PREX2: variants seen among roughly 807,000 people sequenced by gnomAD.
The protein encoded by PREX2 is phosphatidylinositol 3,4,5-trisphosphate-dependent Rac exchanger 2 protein.
Under a neutral mutation model 203.2 loss-of-function variants are expected in PREX2, and 107 were observed. The ratio of observed to expected loss-of-function variants is 0.53; its 90% CI spans 0.45 to 0.62. PREX2 has a LOEUF of 0.62. Ranked by LOEUF, PREX2 falls within the 20% of genes least tolerant of loss-of-function variation. The pLI is 0.00. For missense variants in PREX2, 1,777 were observed against 1,955.9 expected (o/e 0.91, Z 1.72); for synonymous variants, 672 against 663.6 (o/e 1.01, Z -0.19).
chr8:68,046,538 A>C (rs1035074638), intron 8 of PREX2, among the ~76,000 whole-genome samples: 1 of 152,136 alleles, frequency 6.6e-6, no homozygotes, highest in Non-Finnish European at 1.5e-5. Context: ...GGGCAAAAGC[A>C]TTGTGGAAGG....
intron 1 of PREX2, among the ~76,000 whole-genome samples, chr8:67,975,097 A>G (rs535085308): frequency 6.6e-6 from 1 of 152,176 alleles, no homozygotes; most frequent in Non-Finnish European, 1.5e-5. Flanking sequence ...CTAAGAAACT[A>G]GTTTTCCCAA....
chr8:68,169,180 G>A (rs959214516), intron 35 of PREX2, among the ~76,000 whole-genome samples: 3 of 151,974 alleles, frequency 2.0e-5, no homozygotes, highest in Non-Finnish European at 4.4e-5. Flanking sequence ...ACAAACGAGT[G>A]TTCTATTCTC....
rs1201315869 is a variant in PREX2 at position 68,055,894 on chromosome 8, T to C, written c.1158T>C (p.Tyr386=). Residue 386 remains tyrosine (Y), a synonymous_variant, in exon 10 of 40, where the codon TAT becomes TAC. Coordinates refer to ENST00000288368, the MANE Select transcript of PREX2 (RefSeq NM_024870.4). ...TCTCTGAACAGGGTGAGAAACTTTATAAAATGATGTGCAGACAAGGAAATC... is the reference window on the plus strand; with the variant it reads ...TCTCTGAACAGGGTGAGAAACTTTACAAAATGATGTGCAGACAAGGAAATC... ...VMISEQGEKL[Y]KMMCRQGNLI... The C allele has an allele frequency of 6.2e-7, 1 of 1,613,360 alleles. No individual in the cohort carries two copies.
intron 13 of PREX2, among the ~76,000 whole-genome samples, chr8:68,072,146 G>T (rs957010167): frequency 4.6e-5 from 7 of 152,036 alleles, no homozygotes; most frequent in Non-Finnish European, 1.0e-4. Flanking sequence ...ACTTAAAGTC[G>T]CAGTTTCCAA....
intron 25 of PREX2, among the ~76,000 whole-genome samples, chr8:68,112,561 G>A (rs1434760): frequency 0.27 from 41,252 of 151,904 alleles, 5,679 homozygotes; most frequent in South Asian, 0.35. Context: ...GCTACTAAAT[G>A]TACAACAAGA....
intron 33 of PREX2, among the ~76,000 whole-genome samples, chr8:68,144,976 G>A (rs944861405): frequency 6.6e-6 from 1 of 152,070 alleles, no homozygotes; most frequent in Non-Finnish European, 1.5e-5. Context: ...TGATGCCAAA[G>A]ATGAAGGGTA....
At chr8:68,190,877 A>G (rs1812279265) in intron 35 of PREX2, among the ~76,000 whole-genome samples, 1 of 151,796 alleles carries the variant, frequency 6.6e-6, no homozygotes, top group Admixed American at 6.6e-5. Context: ...TTCCCTTAAA[A>G]TTTCTGTTTA....
At chr8:68,225,809 A>G (rs971844417) in intron 39 of PREX2, among the ~76,000 whole-genome samples, 8 of 152,212 alleles carry the variant, frequency 5.3e-5, no homozygotes, top group Non-Finnish European at 8.8e-5. Flanking sequence ...TTATTTTTAC[A>G]TACGCATTCT....
At chr8:68,048,861 TG>T (rs1454965175) in intron 8 of PREX2, among the ~76,000 whole-genome samples, 1 of 152,042 alleles carries the variant, frequency 6.6e-6, no homozygotes, top group Non-Finnish European at 1.5e-5. Flanking sequence ...TAGCATTTAT[TG>T]TTGCATACCA....
chr8:67,993,366 A>G (rs4737876), intron 1 of PREX2, among the ~76,000 whole-genome samples: 74,234 of 150,454 alleles, frequency 0.49, 18,669 homozygotes, highest in South Asian at 0.61. Flanking sequence ...ATGTCTTGCA[A>G]CTACTTTTAA....
At chr8:68,061,192 G>T (rs760055137) in intron 11 of PREX2, among the ~76,000 whole-genome samples, 7 of 152,174 alleles carry the variant, frequency 4.6e-5, no homozygotes, top group African/African-American at 1.7e-4. Context: ...ACTCCGGCAC[G>T]GTGGCGGGTG....
In PREX2 at chr8:68,120,214, C is replaced by T; in HGVS notation, c.3523C>T (p.Leu1175Phe). The change falls in exon 29 of 40, where the codon CTC (leucine) becomes TTC (phenylalanine). Residue 1175 changes from leucine (L) to phenylalanine (F), a missense_variant. Coordinates refer to ENST00000288368, the MANE Select transcript of PREX2 (RefSeq NM_024870.4). The stretch of plus-strand genomic sequence containing the variant: ...TTGATAGGTGGATTCAATTACCAAT[C>T]TCCTAAAAGGGCAGGCTGTTGTGAG... Reference protein sequence around the residue: ...LFSQVDSITNLLKGQAVVRAF... With the variant: ...LFSQVDSITNFLKGQAVVRAF... The T allele has an allele frequency of 6.2e-7, 1 of 1,612,374 alleles. No homozygotes were observed. Among genetic ancestry groups the T allele is most frequent in the Non-Finnish European group, 8.5e-7 (1 of 1,178,470 alleles).
intron 6 of PREX2, among the ~76,000 whole-genome samples, chr8:68,031,252 A>G (rs528374781): frequency 2.2e-4 from 33 of 152,292 alleles, no homozygotes; most frequent in Admixed American, 2.2e-3. Flanking sequence ...ATTCCCAGTT[A>G]TTTCATGCGG....
intron 1 of PREX2, among the ~76,000 whole-genome samples, chr8:67,956,554 C>G (rs1214469984): frequency 6.6e-6 from 1 of 152,200 alleles, no homozygotes; most frequent in East Asian, 1.9e-4. Context: ...AGCATTCCCC[C>G]ACAGCCCCCT....
intron 37 of PREX2, among the ~76,000 whole-genome samples, chr8:68,209,413 T>C (rs1271062377): frequency 6.6e-6 from 1 of 152,224 alleles, no homozygotes; most frequent in Non-Finnish European, 1.5e-5. Flanking sequence ...TTTTATGTTC[T>C]AAGAACTAAA....
chr8:68,087,871 CAGGA>C, intron 19 of PREX2, 62 bp downstream of exon 19: 1 of 1,048,736 alleles, frequency 9.5e-7, no homozygotes, highest in Non-Finnish European at 1.5e-6. Flanking sequence ...CCCGATGGAA[CAGGA>C]ATGTGTTTAA....
At chr8:68,141,044 A>G (rs1378125973) in intron 33 of PREX2, among the ~76,000 whole-genome samples, 1 of 152,168 alleles carries the variant, frequency 6.6e-6, no homozygotes, top group Non-Finnish European at 1.5e-5. Flanking sequence ...TGGTGTGCAA[A>G]TTAAACAAGG....
At chr8:68,217,281 T>C (rs1227314323) in intron 37 of PREX2, among the ~76,000 whole-genome samples, 1 of 152,254 alleles carries the variant, frequency 6.6e-6, no homozygotes, top group Non-Finnish European at 1.5e-5. Flanking sequence ...TATTCTTTAG[T>C]CATTTCTTCT....
At chr8:68,101,476 G>C (rs969540563) in intron 23 of PREX2, 1 of 518,492 alleles carries the variant, frequency 1.9e-6, no homozygotes, top group Non-Finnish European at 3.8e-6. Context: ...TGACTGCTGA[G>C]TTCAGTTCAC....
Sources: gnomAD v4.1 joint callset for allele counts (sites outside exome capture counted in the v4.1 genomes callset) on GRCh38, gnomAD v4.1.1 for gene constraint, MANE v1.5 for transcripts, NCBI Gene and HGNC (gene_info 2026-07-23, HGNC 2026-07-21) for gene names.